ITGBL1: variants seen among roughly 807,000 people sequenced by gnomAD.
ITGBL1 encodes the protein integrin beta-like protein 1.
ITGBL1 carries 51 observed loss-of-function variants against 68.5 expected under a neutral mutation model. The ratio of observed to expected loss-of-function variants is 0.74; its 90% CI spans 0.59 to 0.94. ITGBL1 has a LOEUF of 0.94. ITGBL1 is among the 40% of genes least tolerant of loss of function. The probability of loss-of-function intolerance (pLI) is 0.00; values close to 1 mark genes in which losing one functional copy is unlikely to be tolerated. For missense variants in ITGBL1, 649 were observed against 647.4 expected (o/e 1.00, Z -0.03); for synonymous variants, 209 against 227.3 (o/e 0.92, Z 0.72).
intron 7 of ITGBL1, among the ~76,000 whole-genome samples, chr13:101,604,303 T>C (rs1321786125): frequency 1.3e-5 from 2 of 151,992 alleles, no homozygotes; most frequent in Non-Finnish European, 2.9e-5. Flanking sequence ...GTTTCCTGTC[T>C]TTCTGGAGAT....
intron 7 of ITGBL1, among the ~76,000 whole-genome samples, chr13:101,651,557 ACT>A (rs1208806362): frequency 1.3e-5 from 2 of 151,886 alleles, no homozygotes; most frequent in Non-Finnish European, 2.9e-5. Flanking sequence ...TTCCTTGTAG[ACT>A]CTGGATATTA....
intron 5 of ITGBL1, among the ~76,000 whole-genome samples, chr13:101,582,159 T>TTA (rs965257632): frequency 6.6e-6 from 1 of 152,190 alleles, no homozygotes; most frequent in Non-Finnish European, 1.5e-5. Flanking sequence ...TATGATTTAT[T>TTA]TATATGTTTT....
At chr13:101,464,990 C>G (rs1190953219) in intron 2 of ITGBL1, among the ~76,000 whole-genome samples, 7 of 152,136 alleles carry the variant, frequency 4.6e-5, no homozygotes, top group Non-Finnish European at 1.0e-4. Context: ...ACTTTTGTGT[C>G]TTTATCTGTT....
intron 2 of ITGBL1, among the ~76,000 whole-genome samples, chr13:101,548,083 C>CATT (rs34065506): frequency 0.61 from 91,796 of 151,490 alleles, 28,949 homozygotes; most frequent in African/African-American, 0.79. Context: ...CACAGATAAA[C>CATT]ATAAAACTTT....
At chr13:101,707,881 T>C (rs2034297716) in intron 9 of ITGBL1, among the ~76,000 whole-genome samples, 2 of 146,636 alleles carry the variant, frequency 1.4e-5, no homozygotes, top group South Asian at 2.2e-4. Context: ...AAGGTAATAA[T>C]TAAACAAAGA....
At chr13:101,621,124 C>G (rs1009148322) in intron 7 of ITGBL1, among the ~76,000 whole-genome samples, 2 of 152,164 alleles carry the variant, frequency 1.3e-5, no homozygotes, top group African/African-American at 2.4e-5. Context: ...TTTGTACCTA[C>G]GCAGCTTTCT....
rs572890143 is a variant in ITGBL1, at chr13:101,675,246, T to G, written c.1016-17339T>G. Among the ~76,000 whole-genome samples the G allele has an allele frequency of 4.6e-5, 7 of 152,308 alleles. No individual in the cohort carries two copies. In the South Asian group the frequency reaches 1.5e-3, roughly 32 times the overall value. ...TTTTCCCTTTTTCTTTGTCTTGACTTTGTCATGACTGTGTTATGTCTCTGT... is the reference window on the plus strand; with the variant it reads ...TTTTCCCTTTTTCTTTGTCTTGACTGTGTCATGACTGTGTTATGTCTCTGT... On this transcript the variant is annotated intron_variant, in intron 7 of 10. Coordinates refer to ENST00000376180, the MANE Select transcript of ITGBL1 (RefSeq NM_004791.3).
At chr13:101,580,851 T>C (rs2050445355) in intron 5 of ITGBL1, among the ~76,000 whole-genome samples, 1 of 152,144 alleles carries the variant, frequency 6.6e-6, no homozygotes, top group African/African-American at 2.4e-5. Context: ...TTCAGAAACA[T>C]AAGCTAAGCC....
chr13:101,587,193 T>C (rs1360307986), intron 6 of ITGBL1, among the ~76,000 whole-genome samples: 2 of 152,232 alleles, frequency 1.3e-5, no homozygotes, highest in Non-Finnish European at 1.5e-5. Context: ...TGTTCAATAA[T>C]GCATTTAAAT....
At chr13:101,476,637 G>A (rs1052279462) in intron 2 of ITGBL1, among the ~76,000 whole-genome samples, 2 of 151,862 alleles carry the variant, frequency 1.3e-5, no homozygotes, top group Admixed American at 1.3e-4. Context: ...CAAATAGACT[G>A]AAAATAAAGG....
At chr13:101,472,642 TTGGG>T (rs1048877833) in intron 2 of ITGBL1, among the ~76,000 whole-genome samples, 1 of 152,154 alleles carries the variant, frequency 6.6e-6, no homozygotes, top group African/African-American at 2.4e-5. Flanking sequence ...CACACAGGCA[TTGGG>T]TGGCCAGTCA....
At chr13:101,457,774 C>T (rs1003411273) in intron 2 of ITGBL1, among the ~76,000 whole-genome samples, 18 of 152,074 alleles carry the variant, frequency 1.2e-4, no homozygotes, top group Admixed American at 2.6e-4. Flanking sequence ...CAAGATTGCG[C>T]CATTGCACTC....
Position 101,715,922 on chromosome 13 carries a change from G to A in ITGBL1, c.*268G>A. The A allele has an allele frequency of 2.7e-6, 1 of 369,904 alleles. No individual in the cohort carries two copies. Among genetic ancestry groups the A allele is most frequent in the Non-Finnish European group, 5.0e-6 (1 of 198,510 alleles). The allele number at this position is 369,904 out of a possible 1,614,324, so 22.9% of individuals were successfully genotyped here. A position where few individuals can be genotyped will look rare whatever the true frequency, so the allele number is the denominator to read the frequency against. On this transcript the variant is annotated 3_prime_UTR_variant, in exon 11 of 11. Coordinates refer to ENST00000376180, the MANE Select transcript of ITGBL1 (RefSeq NM_004791.3). ...AATTTTTCCACCCAAAAGTCATTTG[G>A]CAACATCTACAGACAATTTTGATTG... is the stretch of plus-strand genomic sequence containing the variant.
intron 7 of ITGBL1, among the ~76,000 whole-genome samples, chr13:101,627,495 G>A (rs925939138): frequency 2.6e-5 from 4 of 151,946 alleles, no homozygotes; most frequent in African/African-American, 9.7e-5. Context: ...TTTACCTTAG[G>A]ATTAACTCTT....
rs1031418909 is a variant in ITGBL1, at chr13:101,714,644, A to C, written c.1393+93A>C. On this transcript the variant is annotated intron_variant, in intron 10 of 10. Transcript: ENST00000376180. Reference sequence around the variant, plus strand: ...TGCAATGCTTTAGGTGGCTGGACCAACAGGGCCAACCGTGAATATGAAATA... The same window carrying C: ...TGCAATGCTTTAGGTGGCTGGACCACCAGGGCCAACCGTGAATATGAAATA... 17 of 787,894 alleles carry C rather than the reference A, an allele frequency of 2.2e-5. No homozygotes were observed. In the Admixed American group the frequency reaches 3.1e-4, roughly 14 times the overall value. The allele number at this position is 787,894 out of a possible 1,614,324, so 48.8% of individuals were successfully genotyped here. A position where few individuals can be genotyped will look rare whatever the true frequency, so the allele number is the denominator to read the frequency against.
chr13:101,531,616 A>G (rs4771402), intron 2 of ITGBL1, among the ~76,000 whole-genome samples: 69,824 of 108,504 alleles, frequency 0.64, 19,384 homozygotes, highest in African/African-American at 0.71. Flanking sequence ...TTTTGGGGGG[A>G]GGGGATTTAC....
intron 7 of ITGBL1, among the ~76,000 whole-genome samples, chr13:101,677,428 T>A (rs6491640): frequency 0.62 from 94,704 of 151,976 alleles, 30,104 homozygotes; most frequent in East Asian, 0.88. Flanking sequence ...AGTACTTGTG[T>A]AAATAGATTT....
intron 8 of ITGBL1, among the ~76,000 whole-genome samples, chr13:101,696,236 G>C (rs1241458980): frequency 6.6e-6 from 1 of 152,178 alleles, no homozygotes; most frequent in African/African-American, 2.4e-5. Flanking sequence ...CTTCAAAGGA[G>C]ATTGGTGGCA....
intron 2 of ITGBL1, among the ~76,000 whole-genome samples, chr13:101,512,912 T>C (rs979843871): frequency 6.6e-6 from 1 of 152,282 alleles, no homozygotes; most frequent in East Asian, 1.9e-4. Flanking sequence ...TTTGGTGTCC[T>C]GCCCATTTGT....
Sources: gnomAD v4.1 joint callset for allele counts (sites outside exome capture counted in the v4.1 genomes callset) on GRCh38, gnomAD v4.1.1 for gene constraint, MANE v1.5 for transcripts, NCBI Gene and HGNC (gene_info 2026-07-23, HGNC 2026-07-21) for gene names.